Variants in PMS2 observed in about 807,000 individuals in gnomAD.
PMS2 encodes mismatch repair endonuclease PMS2.
PMS2 carries 69 observed loss-of-function variants against 90.0 expected under a neutral mutation model. The ratio of observed to expected loss-of-function variants is 0.77; its 90% CI spans 0.63 to 0.94. The LOEUF is 0.94. Ranked by LOEUF, PMS2 falls within the 40% of genes least tolerant of loss-of-function variation. The pLI is 0.00. For synonymous variants in PMS2, 332 were observed against 375.1 expected (o/e 0.89, Z 1.33); for missense variants, 966 against 1,040.2 (o/e 0.93, Z 0.98).
chr7:5,998,101 G>C (rs934004443), intron 6 of PMS2, among the ~76,000 whole-genome samples: 1 of 147,306 alleles, frequency 6.8e-6, no homozygotes, highest in African/African-American at 2.5e-5. Context: ...TTTTTTCCTG[G>C]GATGGTGTCT....
intron 2 of PMS2, among the ~76,000 whole-genome samples, chr7:6,004,637 C>T (rs971170405): frequency 2.6e-5 from 4 of 151,530 alleles, no homozygotes; most frequent in Admixed American, 6.6e-5. Context: ...ATCACTTGAA[C>T]CCAGGAGGTG....
At chr7:5,990,390 A>C (rs1379496726) in intron 9 of PMS2, among the ~76,000 whole-genome samples, 1 of 152,226 alleles carries the variant, frequency 6.6e-6, no homozygotes, top group Non-Finnish European at 1.5e-5. Context: ...AAAACATTAC[A>C]GTGTCCAGGT....
At chr7:5,995,351 T>C (rs1001237762) in intron 8 of PMS2, among the ~76,000 whole-genome samples, 183 bp downstream of exon 8, 2 of 152,210 alleles carry the variant, frequency 1.3e-5, no homozygotes, top group Non-Finnish European at 1.5e-5. Flanking sequence ...AAGTCTTCAG[T>C]TGAAACATCT....
chr7:6,007,333 C>T (rs900861539), intron 1 of PMS2, among the ~76,000 whole-genome samples: 3 of 152,058 alleles, frequency 2.0e-5, no homozygotes, highest in African/African-American at 7.2e-5. Flanking sequence ...CCAGGCTGGT[C>T]TCGAACTCCT....
chr7:5,989,845 C>T lies in PMS2; in HGVS notation c.1099G>A (p.Val367Ile), dbSNP rs746889239. The T allele has an allele frequency of 1.9e-5, 30 of 1,612,874 alleles. No homozygotes were observed. The South Asian group carries it at 2.6e-4, about 14-fold the overall frequency. Residue 367 changes from valine (V) to isoleucine (I), a missense_variant, in exon 10 of 15, where the codon GTC becomes ATC. By Grantham distance (29) the Val-to-Ile change is conservative. Coordinates refer to ENST00000265849, the MANE Select transcript of PMS2 (RefSeq NM_000535.7). ...TSLIGMFDSD[V>I]NKLNVSQQPL... ...TGCTGACTGACATTTAGCTTGTTGA[C>T]ATCACTATCAAACATTCCTATCAAA...
At chr7:5,991,764 G>C (rs1429380566) in intron 9 of PMS2, among the ~76,000 whole-genome samples, 1 of 151,808 alleles carries the variant, frequency 6.6e-6, no homozygotes, top group African/African-American at 2.4e-5. Flanking sequence ...GCTTGAACCC[G>C]GGAGGCAGAG....
At chr7:5,984,252 T>C (rs1026401995) in intron 11 of PMS2, among the ~76,000 whole-genome samples, 3 of 151,832 alleles carry the variant, frequency 2.0e-5, no homozygotes, top group African/African-American at 7.3e-5. Flanking sequence ...TTCTCATCTT[T>C]GCCAGGCCCA....
intron 12 of PMS2, among the ~76,000 whole-genome samples, chr7:5,982,216 A>AT (rs1367259484): frequency 1.3e-5 from 2 of 150,244 alleles, no homozygotes; most frequent in Non-Finnish European, 3.0e-5. Context: ...CATTATTATT[A>AT]TTTTTTGAGA....
intron 11 of PMS2, among the ~76,000 whole-genome samples, chr7:5,984,611 C>T (rs1264902175): frequency 6.6e-6 from 1 of 151,316 alleles, no homozygotes; most frequent in Non-Finnish European, 1.5e-5. Context: ...ATGGTGAAAC[C>T]CCATCTCTAC....
chr7:5,977,771 A>T lies in PMS2; in HGVS notation c.2276-14T>A. On this transcript the variant is annotated splice_polypyrimidine_tract_variant and intron_variant, in intron 13 of 14. Transcript: ENST00000265849. The stretch of plus-strand genomic sequence containing the variant: ...CAGTGACTGGAGCTAAAAGAATACA[A>T]TTTTGAGAAAAATCCATGACTTGAC... 3.1e-6 allele frequency: 5 copies of T among 1,595,638 alleles called. No individual in the cohort carries two copies. Among genetic ancestry groups the T allele is most frequent in the Non-Finnish European group, 4.3e-6 (5 of 1,165,492 alleles).
In PMS2 at chr7:5,983,401, G is replaced by A. The variant is rs547424053; in HGVS notation, c.2007-410C>T. ...TGGGATTACAGGCGTGAGCCACTGCGTTCGGCTTAACCATCCCACTTTCTA... is the reference window on the plus strand; with the variant it reads ...TGGGATTACAGGCGTGAGCCACTGCATTCGGCTTAACCATCCCACTTTCTA... On this transcript the variant is annotated intron_variant, in intron 11 of 14. Coordinates refer to ENST00000265849, the MANE Select transcript of PMS2 (RefSeq NM_000535.7). Among the ~76,000 whole-genome samples the A allele has an allele frequency of 1.4e-3, 212 of 151,110 alleles. 4 individuals carry two copies. Among genetic ancestry groups the A allele is most frequent in the African/African-American group, 4.8e-3 (196 of 40,898 alleles).
At chr7:5,988,052 CAAAAAA>C (rs10543125) in intron 10 of PMS2, among the ~76,000 whole-genome samples, 18 of 41,124 alleles carry the variant, frequency 4.4e-4, no homozygotes, top group African/African-American at 1.7e-3. Flanking sequence ...CACTCTGTCT[CAAAAAA>C]AAAAAAAAAA....
intron 5 of PMS2, among the ~76,000 whole-genome samples, chr7:6,000,425 T>G (rs1453926694): frequency 6.6e-6 from 1 of 151,732 alleles, no homozygotes; most frequent in Non-Finnish European, 1.5e-5. Flanking sequence ...CATACAATTC[T>G]GTATTACTTG....
Position 5,987,397 on chromosome 7 carries a change from A to G in PMS2, c.1368T>C (p.Ser456=), listed in dbSNP as rs587780723. ...PLGQKRGMLS[S]STSGAISDKG... ...TGTCAGAGATGGCACCTGAAGTGCT[A>G]GAAGACAGCATACCCCTTTTCTGTC... Residue 456 remains serine, a synonymous_variant, in exon 11 of 15, where the codon TCT becomes TCC. Coordinates refer to ENST00000265849, the MANE Select transcript of PMS2 (RefSeq NM_000535.7). 8.1e-6 allele frequency: 13 copies of G among 1,614,070 alleles called. No individual in the cohort carries two copies. The East Asian group carries it at 8.9e-5, about 11-fold the overall frequency.
At position 6,005,956 on chromosome 7, in the gene PMS2, C is replaced by G. The variant is rs1562701736; in HGVS notation, c.99G>C (p.Leu33=). Reference sequence around the variant, plus strand: ...ACTCCTTTACCGCAGTGCTTAGACTCAGTACCACCTGCCCAGAGCAAATCT... The same window carrying G: ...ACTCCTTTACCGCAGTGCTTAGACTGAGTACCACCTGCCCAGAGCAAATCT... ...VHQICSGQVV[L]SLSTAVKELV... Residue 33 remains leucine, a synonymous_variant, in exon 2 of 15, where the codon CTG becomes CTC. Transcript: ENST00000265849. The G allele has an allele frequency of 6.2e-7, 1 of 1,610,866 alleles. No individual in the cohort carries two copies. Among genetic ancestry groups the G allele is most frequent in the Admixed American group, 1.7e-5 (1 of 60,010 alleles).
At chr7:5,991,755 C>T (rs1783754746) in intron 9 of PMS2, among the ~76,000 whole-genome samples, 1 of 151,950 alleles carries the variant, frequency 6.6e-6, no homozygotes, top group Non-Finnish European at 1.5e-5. Flanking sequence ...AGGAGAATCG[C>T]TTGAACCCGG....
intron 6 of PMS2, among the ~76,000 whole-genome samples, 158 bp from the exon 7 acceptor site, chr7:5,997,581 A>G (rs1017162889): frequency 2.0e-5 from 3 of 152,112 alleles, no homozygotes; most frequent in African/African-American, 7.2e-5. Flanking sequence ...GTCTCCCTCT[A>G]TTGCCCAGGC....
At chr7:5,999,645 A>T (rs1784878474) in intron 5 of PMS2, among the ~76,000 whole-genome samples, 2 of 151,750 alleles carry the variant, frequency 1.3e-5, no homozygotes, top group South Asian at 2.1e-4. Context: ...TTAAAAAAAA[A>T]ATTAGCCGGG....
chr7:5,999,627 C>T (rs929177892), intron 5 of PMS2, among the ~76,000 whole-genome samples: 7 of 148,028 alleles, frequency 4.7e-5, no homozygotes, highest in Non-Finnish European at 1.1e-4. Flanking sequence ...CCTGTCTCTA[C>T]AAAAAATTTA....
Sources: gnomAD v4.1 joint callset for allele counts (sites outside exome capture counted in the v4.1 genomes callset) on GRCh38, gnomAD v4.1.1 for gene constraint, MANE v1.5 for transcripts, NCBI Gene and HGNC (gene_info 2026-07-23, HGNC 2026-07-21) for gene names.